The following SLC35D2 variants were observed in gnomAD, a reference collection of about 807,000 sequenced individuals.
The protein encoded by SLC35D2 is nucleotide sugar transporter SLC35D2.
A neutral mutation model predicts 41.8 loss-of-function variants in SLC35D2; 43 were observed. That is an observed-to-expected ratio of 1.03 (90% confidence interval 0.81 to 1.33). The LOEUF is 1.33. Ranked by LOEUF, SLC35D2 falls within the 40% of genes most tolerant of loss-of-function variation. The pLI is 0.00. For missense variants in SLC35D2, 380 were observed against 408.4 expected (o/e 0.93, Z 0.60); for synonymous variants, 150 against 163.9 (o/e 0.92, Z 0.65).
chr9:96,352,523 T>C (rs963311342), intron 4 of SLC35D2, among the ~76,000 whole-genome samples: 1 of 151,964 alleles, frequency 6.6e-6, no homozygotes, highest in Admixed American at 6.6e-5. Context: ...AGTTTTGCCA[T>C]GTTGGCCAGG....
At chr9:96,321,402 A>T in intron 11 of SLC35D2, 61 bp from the exon 12 acceptor site, 5 of 1,202,302 alleles carry the variant, frequency 4.2e-6, no homozygotes, top group Non-Finnish European at 6.1e-6. Context: ...CTCCAGCAGC[A>T]GTTGCTGGCG....
At chr9:96,367,155 G>T (rs1564121984) in intron 2 of SLC35D2, among the ~76,000 whole-genome samples, 2 of 149,846 alleles carry the variant, frequency 1.3e-5, no homozygotes, top group Non-Finnish European at 3.0e-5. Context: ...AGGAGGCAGA[G>T]GCTGCAGTGA....
chr9:96,358,791 C>T (rs1221772108), intron 4 of SLC35D2, among the ~76,000 whole-genome samples: 1 of 151,824 alleles, frequency 6.6e-6, no homozygotes, highest in Non-Finnish European at 1.5e-5. Flanking sequence ...GAGTTCAAGA[C>T]TAGCCTGGCC....
chr9:96,331,497 CT>C (rs1214524465), intron 9 of SLC35D2, among the ~76,000 whole-genome samples: 3 of 151,338 alleles, frequency 2.0e-5, no homozygotes, highest in East Asian at 1.9e-4. Context: ...CCCTCCCTCC[CT>C]TTTTTTTTCT....
At chr9:96,333,837 G>A (rs755495159) in intron 9 of SLC35D2, among the ~76,000 whole-genome samples, 2 of 152,146 alleles carry the variant, frequency 1.3e-5, no homozygotes, top group Non-Finnish European at 2.9e-5. Context: ...AATGACATGA[G>A]AAGACTTTGA....
intron 4 of SLC35D2, among the ~76,000 whole-genome samples, chr9:96,353,989 A>G (rs1829918398): frequency 6.6e-6 from 1 of 152,216 alleles, no homozygotes; most frequent in Non-Finnish European, 1.5e-5. Context: ...GCATCCAGAG[A>G]GCAGCTGCAG....
At chr9:96,352,881 T>TTCC (rs1268155904) in intron 4 of SLC35D2, among the ~76,000 whole-genome samples, 1 of 151,796 alleles carries the variant, frequency 6.6e-6, no homozygotes, top group Non-Finnish European at 1.5e-5. Flanking sequence ...CCACTAAAAA[T>TTCC]ACAAAAATTA....
chr9:96,381,001 C>T lies in SLC35D2; in HGVS notation c.158+2476G>A, dbSNP rs551966620. ...CAAATCCATCCCTTCCTTTTACCTC[C>T]GCTGCTATGCCCTGCCCAGTCCACG... is the stretch of plus-strand genomic sequence containing the variant. On this transcript the variant is annotated intron_variant, in intron 1 of 11. Transcript: ENST00000253270. Among the ~76,000 whole-genome samples, 9 of 152,188 alleles carry T rather than the reference C, an allele frequency of 5.9e-5. No homozygotes were observed. The South Asian group carries it at 1.4e-3, about 24-fold the overall frequency.
At chr9:96,338,948 A>G (rs1195707852) in intron 8 of SLC35D2, among the ~76,000 whole-genome samples, 2 of 152,224 alleles carry the variant, frequency 1.3e-5, no homozygotes, top group South Asian at 2.1e-4. Context: ...AAAAACATCT[A>G]TTCTCTCAAA....
Position 96,373,555 on chromosome 9 carries a change from C to T in SLC35D2, c.159-5250G>A, listed in dbSNP as rs541603427. ...TACAAAAATTAGCCGGGTGTGGTGG[C>T]GGGTGCCTATAATCCCAGCTACTCG... On this transcript the variant is annotated intron_variant, in intron 1 of 11. Coordinates refer to ENST00000253270, the MANE Select transcript of SLC35D2 (RefSeq NM_007001.3). 4.6e-5 allele frequency among the ~76,000 whole-genome samples: 7 copies of T among 151,848 alleles called. No homozygotes were observed. In the South Asian group the frequency reaches 1.3e-3, roughly 27 times the overall value.
intron 2 of SLC35D2, among the ~76,000 whole-genome samples, chr9:96,364,860 C>T (rs910334443): frequency 6.6e-6 from 1 of 151,700 alleles, no homozygotes; most frequent in African/African-American, 2.4e-5. Flanking sequence ...CAAGACCAGC[C>T]AGGCCAACAT....
At chr9:96,379,079 C>T (rs1020766426) in intron 1 of SLC35D2, among the ~76,000 whole-genome samples, 3 of 151,742 alleles carry the variant, frequency 2.0e-5, no homozygotes, top group Non-Finnish European at 2.9e-5. Flanking sequence ...GGATGGATTG[C>T]TTGAGCCCAG....
chr9:96,371,590 G>A (rs1466045707), intron 1 of SLC35D2, among the ~76,000 whole-genome samples: 3 of 150,274 alleles, frequency 2.0e-5, no homozygotes, highest in African/African-American at 7.3e-5. Context: ...TATTTAGAGG[G>A]ATCTTTTAAC....
chr9:96,375,070 C>T (rs1468923875), intron 1 of SLC35D2, among the ~76,000 whole-genome samples: 2 of 148,432 alleles, frequency 1.3e-5, no homozygotes, highest in Non-Finnish European at 3.0e-5. Context: ...CAGCTCACTG[C>T]AACCTCTGCC....
At chr9:96,351,061 G>A in intron 6 of SLC35D2, 42 bp downstream of exon 6, 1 of 1,444,714 alleles carries the variant, frequency 6.9e-7, no homozygotes. Flanking sequence ...TATTGTCAAA[G>A]ACACAAAGAA....
chr9:96,364,913 A>G (rs1271405625), intron 2 of SLC35D2, among the ~76,000 whole-genome samples: 11 of 151,860 alleles, frequency 7.2e-5, no homozygotes, highest in Non-Finnish European at 1.6e-4. Context: ...TTAGCTGGGC[A>G]TGGTGGCAGA....
At chr9:96,353,742 T>C (rs998864860) in intron 4 of SLC35D2, among the ~76,000 whole-genome samples, 24 of 152,220 alleles carry the variant, frequency 1.6e-4, no homozygotes, top group Admixed American at 1.2e-3. Context: ...TTAAAATATA[T>C]AGTTAAGAAC....
chr9:96,344,053 C>T lies in SLC35D2; in HGVS notation c.592-57G>A, dbSNP rs1829458481. Reference sequence around the variant, plus strand: ...TTTCAGAAACGTGAGGCACAGATTTCCTGGAGCCATTTATACAACTGCATA... The same window carrying T: ...TTTCAGAAACGTGAGGCACAGATTTTCTGGAGCCATTTATACAACTGCATA... On this transcript the variant is annotated intron_variant, in intron 7 of 11. Transcript: ENST00000253270. 3.1e-5 allele frequency: 35 copies of T among 1,120,106 alleles called. No homozygotes were observed. The South Asian group carries it at 4.9e-4, about 16-fold the overall frequency. 69.4% of individuals were successfully genotyped at this position (1,120,106 alleles called of 1,614,324 possible).
At chr9:96,344,723 A>G (rs900565439) in intron 7 of SLC35D2, among the ~76,000 whole-genome samples, 2 of 29,482 alleles carry the variant, frequency 6.8e-5, no homozygotes, top group South Asian at 1.8e-3. Context: ...GGGGTGGGGG[A>G]GGGATGGGGG....
Sources: allele counts gnomAD v4.1 joint callset (sites outside exome capture counted in the v4.1 genomes callset), GRCh38; gene constraint gnomAD v4.1.1; transcripts MANE v1.5; gene names NCBI Gene and HGNC (gene_info 2026-07-23, HGNC 2026-07-21).